Variants in MACROH2A1 observed in about 807,000 individuals in gnomAD.
MACROH2A1 encodes the protein core histone macro-H2A.1.
A neutral mutation model predicts 31.6 loss-of-function variants in MACROH2A1; 2 were observed. The ratio of observed to expected loss-of-function variants is 0.06; its 90% CI spans 0.03 to 0.20. The LOEUF (loss-of-function observed/expected upper bound fraction) is 0.20. Among genes scored for constraint, MACROH2A1 ranks in the 10% least tolerant of loss-of-function variants. The pLI, the probability that MACROH2A1 is intolerant of heterozygous loss-of-function variation, is 1.00. For synonymous variants in MACROH2A1, 169 were observed against 189.6 expected (o/e 0.89, Z 0.89); for missense variants, 230 against 474.0 (o/e 0.49, Z 4.78).
chr5:135,367,335 T>C (rs1763635732), intron 4 of MACROH2A1, among the ~76,000 whole-genome samples: 1 of 152,202 alleles, frequency 6.6e-6, no homozygotes, highest in Admixed American at 6.5e-5. Flanking sequence ...ATGTGTTTTA[T>C]TGTGTGGAAG....
At chr5:135,396,424 G>A (rs1767991409) in intron 1 of MACROH2A1, among the ~76,000 whole-genome samples, 1 of 152,158 alleles carries the variant, frequency 6.6e-6, no homozygotes, top group East Asian at 1.9e-4. Context: ...AGAATCCTTT[G>A]TGATTTGTCC....
chr5:135,381,096 T>A (rs990745139), intron 2 of MACROH2A1, among the ~76,000 whole-genome samples: 1 of 152,240 alleles, frequency 6.6e-6, no homozygotes, highest in African/African-American at 2.4e-5. Flanking sequence ...ATTTCATGTC[T>A]GATAAAGGTG....
chr5:135,360,818 G>A, intron 4 of MACROH2A1: 1 of 682,956 alleles, frequency 1.5e-6, no homozygotes, highest in African/African-American at 1.8e-5. Flanking sequence ...ATCACTTTAT[G>A]ATCGTAAAAA....
At chr5:135,392,900 A>G (rs1278539024) in intron 1 of MACROH2A1, among the ~76,000 whole-genome samples, 1 of 152,224 alleles carries the variant, frequency 6.6e-6, no homozygotes, top group Non-Finnish European at 1.5e-5. Context: ...AGTTGGTGGC[A>G]GAAGTGAATC....
At chr5:135,386,682 T>G (rs1766451159) in intron 2 of MACROH2A1, among the ~76,000 whole-genome samples, 1 of 152,198 alleles carries the variant, frequency 6.6e-6, no homozygotes, top group South Asian at 2.1e-4. Context: ...ACTGCTGATA[T>G]CCACCTCAGG....
intron 6 of MACROH2A1, chr5:135,350,707 G>T: frequency 1.5e-6 from 1 of 660,018 alleles, no homozygotes; most frequent in Non-Finnish European, 2.8e-6. Context: ...ACAGGGTCAG[G>T]ACAGCTGGAA....
chr5:135,340,640 C>T (rs1759670420), intron 8 of MACROH2A1, among the ~76,000 whole-genome samples: 1 of 152,202 alleles, frequency 6.6e-6, no homozygotes, highest in Non-Finnish European at 1.5e-5. Context: ...TGCCACTGGG[C>T]CTCAGCTAAG....
At chr5:135,363,269 A>T (rs1763074962) in intron 4 of MACROH2A1, among the ~76,000 whole-genome samples, 1 of 152,216 alleles carries the variant, frequency 6.6e-6, no homozygotes, top group Non-Finnish European at 1.5e-5. Flanking sequence ...CTTAGAAAGT[A>T]GTAAAGCACT....
intron 5 of MACROH2A1, chr5:135,358,962 TAACA>T: frequency 3.0e-6 from 3 of 985,376 alleles, no homozygotes; most frequent in Non-Finnish European, 3.6e-6. Context: ...CCTCCAGGGC[TAACA>T]AACAGAGCCC....
At chr5:135,391,370 T>C (rs939764884) in intron 1 of MACROH2A1, among the ~76,000 whole-genome samples, 28 of 152,188 alleles carry the variant, frequency 1.8e-4, no homozygotes, top group African/African-American at 6.5e-4. Flanking sequence ...TTCAGCTTTG[T>C]TTCCCAGCTG....
At chr5:135,355,064 T>C (rs1281515213) in intron 5 of MACROH2A1, 4 of 456,106 alleles carry the variant, frequency 8.8e-6, no homozygotes, top group South Asian at 3.1e-5. Context: ...TCTGGTGTTA[T>C]ATTCAGAAAT....
chr5:135,335,544 G>C (rs1324100014), intron 8 of MACROH2A1, among the ~76,000 whole-genome samples: 9 of 152,250 alleles, frequency 5.9e-5, no homozygotes, highest in African/African-American at 2.2e-4. Context: ...ATGGCTGCAG[G>C]TTCTCTGGGA....
At chr5:135,358,620 A>T in intron 5 of MACROH2A1, 1 of 984,614 alleles carries the variant, frequency 1.0e-6, no homozygotes, top group Non-Finnish European at 1.2e-6. Flanking sequence ...TTTTCCTTCC[A>T]AAAGTCAAGA....
chr5:135,340,962 C>CTACTT (rs1418931626), intron 8 of MACROH2A1, among the ~76,000 whole-genome samples: 6 of 152,190 alleles, frequency 3.9e-5, no homozygotes, highest in Admixed American at 1.3e-4. Context: ...ATTTTTATTC[C>CTACTT]TACTTTTTAC....
At chr5:135,354,992 T>A in intron 5 of MACROH2A1, 1 of 441,584 alleles carries the variant, frequency 2.3e-6, no homozygotes, top group East Asian at 7.0e-5. Context: ...AATTCCTATG[T>A]TTAAAACAAT....
intron 2 of MACROH2A1, among the ~76,000 whole-genome samples, chr5:135,374,195 G>A (rs1208337512): frequency 2.0e-5 from 3 of 152,140 alleles, no homozygotes; most frequent in African/African-American, 2.4e-5. Flanking sequence ...AAAAGCCATC[G>A]TAAAGGGCTT....
At chr5:135,397,798 G>A (rs1196932903) in intron 1 of MACROH2A1, among the ~76,000 whole-genome samples, 2 of 152,148 alleles carry the variant, frequency 1.3e-5, no homozygotes, top group Non-Finnish European at 2.9e-5. Flanking sequence ...AAGGTGGCCT[G>A]CAGTAGGTGA....
intron 6 of MACROH2A1, chr5:135,347,247 G>A (rs1471960854): frequency 6.6e-6 from 1 of 152,230 alleles, no homozygotes; most frequent in African/African-American, 2.4e-5. Context: ...TTCTGCAGGG[G>A]TGAACTAACC....
At chr5:135,347,295 C>T (rs920487136) in intron 6 of MACROH2A1, 3 of 152,210 alleles carry the variant, frequency 2.0e-5, no homozygotes, top group South Asian at 2.1e-4. Context: ...ATAGCTTGGG[C>T]TTTGTCCCAA....
Sources: allele counts gnomAD v4.1 joint callset (sites outside exome capture counted in the v4.1 genomes callset), GRCh38; gene constraint gnomAD v4.1.1; transcripts MANE v1.5; gene names NCBI Gene and HGNC (gene_info 2026-07-23, HGNC 2026-07-21).